WWC1: variants seen among roughly 807,000 people sequenced by gnomAD.
The protein encoded by WWC1 is WW and C2 domain containing 1, also known as protein KIBRA.
A neutral mutation model predicts 138.4 loss-of-function variants in WWC1; 55 were observed. The observed-to-expected ratio is 0.40, with a 90% CI of 0.32 to 0.50. WWC1 has a LOEUF of 0.50. WWC1 is among the 20% of genes least tolerant of loss of function. WWC1 has a pLI of 0.72. For synonymous variants in WWC1, 524 were observed against 564.9 expected (o/e 0.93, Z 1.03); for missense variants, 1,226 against 1,420.4 (o/e 0.86, Z 2.20).
At chr5:168,394,460 C>T (rs1231574236) in intron 3 of WWC1, among the ~76,000 whole-genome samples, 1 of 151,828 alleles carries the variant, frequency 6.6e-6, no homozygotes, top group East Asian at 1.9e-4. Flanking sequence ...GGCGTGGTGG[C>T]TCACGCCTGT....
chr5:168,394,033 C>T (rs80146497), intron 3 of WWC1, among the ~76,000 whole-genome samples: 1,774 of 152,268 alleles, frequency 0.012, 28 homozygotes, highest in East Asian at 0.038. Context: ...CACTGAACAT[C>T]GCTTTCACCA....
At chr5:168,362,548 A>G (rs1384852981) in intron 1 of WWC1, among the ~76,000 whole-genome samples, 1 of 152,214 alleles carries the variant, frequency 6.6e-6, no homozygotes, top group Non-Finnish European at 1.5e-5. Flanking sequence ...TCCGTTTTTA[A>G]AATATAGCAC....
intron 5 of WWC1, among the ~76,000 whole-genome samples, chr5:168,404,522 C>G (rs1035735847): frequency 4.6e-5 from 7 of 152,188 alleles, no homozygotes; most frequent in Admixed American, 4.6e-4. Flanking sequence ...CTCCATGCCT[C>G]GCTCTCTCCT....
Position 168,397,762 on chromosome 5 carries a change from G to A in WWC1, c.472G>A (p.Glu158Lys), listed in dbSNP as rs561023910. Residue 158 changes from glutamate to lysine, a missense_variant, in exon 4 of 23, where the codon GAG (glutamate) becomes AAG (lysine). Transcript: ENST00000265293. Reference protein sequence around the residue: ...GSSSSSKYDPEILKAEIATAK... With the variant: ...GSSSSSKYDPKILKAEIATAK... ...ATCATCCAGCTCCAAGTATGACCCTGAGATCCTGAAAGCTGAAATTGCCAC... is the reference window on the plus strand; with the variant it reads ...ATCATCCAGCTCCAAGTATGACCCTAAGATCCTGAAAGCTGAAATTGCCAC... 4.3e-6 allele frequency: 7 copies of A among 1,613,994 alleles called. No individual in the cohort carries two copies. The highest frequency in any genetic ancestry group is 1.3e-5 in the African/African-American group (1 of 75,000).
rs71310058 is a variant in WWC1 at position 168,389,450 on chromosome 5, C to CAA, written c.433+4050_433+4051dup. Among the ~76,000 whole-genome samples, 399 of 94,998 alleles carry CAA rather than the reference C, an allele frequency of 4.2e-3. 3 individuals carry two copies. The highest frequency in any genetic ancestry group is 0.014 in the African/African-American group (373 of 26,082). The allele number at this position is 94,998 out of a possible 152,430, so 62.3% of individuals were successfully genotyped here. On this transcript the variant is annotated intron_variant, in intron 3 of 22. Transcript: ENST00000265293. ...TGGGAGACAGAGCAAGACTCCATCT[C>CAA]AAAAAAAAAAAAAAAGAAAGAAAAA...
chr5:168,311,325 G>GCT (rs35679234), intron 1 of WWC1, among the ~76,000 whole-genome samples: 116,344 of 151,854 alleles, frequency 0.77, 44,915 homozygotes, highest in African/African-American at 0.85. Context: ...CTGGAAAAAA[G>GCT]CACAGGAATC....
chr5:168,414,705 C>T (rs1360271091), intron 9 of WWC1, 115 bp downstream of exon 9: 20 of 1,384,578 alleles, frequency 1.4e-5, no homozygotes, highest in Non-Finnish European at 1.9e-5. Context: ...ACCCTGAGCA[C>T]GCTCAGTTCA....
intron 1 of WWC1, among the ~76,000 whole-genome samples, chr5:168,325,646 TA>T (rs1335683620): frequency 1.2e-4 from 19 of 152,216 alleles, no homozygotes; most frequent in African/African-American, 4.6e-4. Context: ...TTTTCCTTTT[TA>T]AAAAATTGTG....
At chr5:168,418,290 C>T (rs1431122588) in intron 9 of WWC1, among the ~76,000 whole-genome samples, 3 of 152,210 alleles carry the variant, frequency 2.0e-5, no homozygotes, top group African/African-American at 7.2e-5. Context: ...CGAGGGCCTT[C>T]CCCACTGCTC....
intron 1 of WWC1, among the ~76,000 whole-genome samples, chr5:168,303,886 C>T (rs191454719): frequency 1.3e-3 from 202 of 152,146 alleles, no homozygotes; most frequent in Non-Finnish European, 2.4e-3. Flanking sequence ...AAAGCAAATC[C>T]CTCCTCTCAT....
chr5:168,458,539 G>C (rs961322869), intron 19 of WWC1, among the ~76,000 whole-genome samples: 2 of 152,118 alleles, frequency 1.3e-5, no homozygotes, highest in African/African-American at 4.8e-5. Flanking sequence ...CATGGATAGG[G>C]ACAATGAATT....
intron 1 of WWC1, among the ~76,000 whole-genome samples, chr5:168,320,054 TG>T (rs2152757449): frequency 6.7e-6 from 1 of 149,256 alleles, no homozygotes; most frequent in Admixed American, 6.7e-5. Flanking sequence ...TTTTTTGAGA[TG>T]GAGTTTTCTT....
chr5:168,380,783 T>G (rs748346219), intron 2 of WWC1, among the ~76,000 whole-genome samples: 1 of 152,220 alleles, frequency 6.6e-6, no homozygotes, highest in Non-Finnish European at 1.5e-5. Flanking sequence ...GACAATGTGA[T>G]GTATTCATAC....
At chr5:168,339,462 G>C (rs903059640) in intron 1 of WWC1, among the ~76,000 whole-genome samples, 2 of 152,174 alleles carry the variant, frequency 1.3e-5, no homozygotes. Context: ...CAAATCAAGG[G>C]ATCTCTGGGT....
chr5:168,466,145 A>T (rs1412471869), intron 21 of WWC1, among the ~76,000 whole-genome samples: 1 of 152,150 alleles, frequency 6.6e-6, no homozygotes, highest in Non-Finnish European at 1.5e-5. Context: ...GCAAAACAGG[A>T]AGGTTGTATA....
At position 168,292,079 on chromosome 5, in the gene WWC1, G is replaced by A; in HGVS notation, c.-74G>A. ...GCCTCGGCGGCCGCCCGGGCTAAGAGCGGCCGGCTGGAGCCGCTGAGCCCC... is the reference window on the plus strand; with the variant it reads ...GCCTCGGCGGCCGCCCGGGCTAAGAACGGCCGGCTGGAGCCGCTGAGCCCC... On this transcript the variant is annotated 5_prime_UTR_variant, in exon 1 of 23. Transcript: ENST00000265293. This position sits in a 1 kb window ranked among gnomAD's most constrained non-coding sequence, Gnocchi z 4.4. 7.0e-7 allele frequency: 1 copy of A among 1,429,326 alleles called. No individual in the cohort carries two copies. Among genetic ancestry groups the A allele is most frequent in the Non-Finnish European group, 9.1e-7 (1 of 1,095,582 alleles). 88.5% of individuals were successfully genotyped at this position (1,429,326 alleles called of 1,614,324 possible).
At chr5:168,462,370 C>T (rs762640186) in intron 20 of WWC1, among the ~76,000 whole-genome samples, 8 of 152,188 alleles carry the variant, frequency 5.3e-5, no homozygotes, top group African/African-American at 1.9e-4. Context: ...CACCCCAACC[C>T]CCTCTTCTGT....
chr5:168,444,836 T>G (rs548104571), intron 17 of WWC1, among the ~76,000 whole-genome samples: 1 of 149,472 alleles, frequency 6.7e-6, no homozygotes, highest in Non-Finnish European at 1.5e-5. Flanking sequence ...TTATTCTTTA[T>G]CTTGATATAG....
chr5:168,354,379 A>G (rs1465197784), intron 1 of WWC1, among the ~76,000 whole-genome samples: 1 of 152,008 alleles, frequency 6.6e-6, no homozygotes, highest in East Asian at 1.9e-4. Flanking sequence ...TTGTTTTTTA[A>G]TATTGATGCA....
Sources: gnomAD v4.1 joint callset for allele counts (sites outside exome capture counted in the v4.1 genomes callset) on GRCh38, gnomAD v4.1.1 for gene constraint, Gnocchi (gnomAD v3.1) non-coding constraint, MANE v1.5 for transcripts, NCBI Gene and HGNC (gene_info 2026-07-23, HGNC 2026-07-21) for gene names.